Variants in PIK3R1 observed in about 807,000 individuals in gnomAD.
PIK3R1 encodes phosphoinositide-3-kinase regulatory subunit 1.
In PIK3R1, 29 loss-of-function variants were observed where a neutral mutation model predicts 98.0. The ratio of observed to expected loss-of-function variants is 0.30; its 90% CI spans 0.22 to 0.40. The LOEUF (loss-of-function observed/expected upper bound fraction) is 0.40. Ranked by LOEUF, PIK3R1 falls within the 10% of genes least tolerant of loss-of-function variation. The pLI is 1.00. For synonymous variants in PIK3R1, 282 were observed against 311.8 expected, an observed-to-expected ratio of 0.90 and a Z score of 1.01; for missense variants, 596 against 872.7, an observed-to-expected ratio of 0.68 and a Z score of 3.99.
chr5:68,292,612 T>C (rs2112247251), intron 8 of PIK3R1: 2 of 1,451,844 alleles, frequency 1.4e-6, no homozygotes, highest in Non-Finnish European at 1.8e-6. Flanking sequence ...GAAGTGGCAC[T>C]GCCTAAGAAC....
intron 1 of PIK3R1, among the ~76,000 whole-genome samples, chr5:68,219,702 A>G (rs1391881624): frequency 4.6e-5 from 7 of 152,196 alleles, no homozygotes; most frequent in African/African-American, 1.7e-4. Flanking sequence ...CGGGAGTTTT[A>G]TTTTAGCTAG....
chr5:68,291,894 T>G (rs1026304700), intron 7 of PIK3R1: 2 of 165,260 alleles, frequency 1.2e-5, no homozygotes, highest in African/African-American at 4.8e-5. Context: ...TACTCATATG[T>G]TCATAGTTTC....
rs149613079 is a variant in PIK3R1 at position 68,290,733 on chromosome 5, A to T, written c.917-1526A>T. 9.5e-5 allele frequency: 153 copies of T among 1,611,164 alleles called. 2 individuals carry two copies. The highest frequency in any genetic ancestry group is 1.0e-4 in the Admixed American group (6 of 59,478). ...GCCAAGGAAACTCTTGCACAAATGT[A>T]CAATACTGTTTGGAATATGGAAGAC... is the stretch of plus-strand genomic sequence containing the variant. On this transcript the variant is annotated intron_variant, in intron 7 of 15. Coordinates refer to ENST00000521381, the MANE Select transcript of PIK3R1 (RefSeq NM_181523.3).
At chr5:68,277,365 T>A (rs1746620897) in intron 4 of PIK3R1, among the ~76,000 whole-genome samples, 1 of 152,236 alleles carries the variant, frequency 6.6e-6, no homozygotes, top group African/African-American at 2.4e-5. Context: ...CCACACTTGT[T>A]AAACATGTGA....
chr5:68,297,493 C>A lies in PIK3R1; in HGVS notation c.2067C>A (p.Ser689Arg), dbSNP rs1235449796. The A allele has an allele frequency of 6.2e-7, 1 of 1,614,122 alleles. No individual in the cohort carries two copies. Among genetic ancestry groups the A allele is most frequent in the Non-Finnish European group, 8.5e-7 (1 of 1,179,926 alleles). The change falls in exon 16 of 16, where the codon AGC becomes AGA. Residue 689 changes from serine to arginine, a missense_variant. By Grantham distance (110) the Ser-to-Arg change is moderately radical. Coordinates refer to ENST00000521381, the MANE Select transcript of PIK3R1 (RefSeq NM_181523.3). ...YGFAEPYNLY[S>R]SLKELVLHYQ... The stretch of plus-strand genomic sequence containing the variant: ...TTGCCGAGCCCTATAACTTGTACAG[C>A]TCTCTGAAAGAACTGGTGCTACATT...
chr5:68,239,538 C>CT (rs1744794527), intron 2 of PIK3R1, among the ~76,000 whole-genome samples: 1 of 152,174 alleles, frequency 6.6e-6, no homozygotes, highest in Non-Finnish European at 1.5e-5. Context: ...TGACACTGGC[C>CT]TTATTATACC....
At position 68,295,485 on chromosome 5, in the gene PIK3R1, A is replaced by T. The variant is rs1747662497; in HGVS notation, c.1811A>T (p.Glu604Val). Residue 604 changes from glutamate (E) to valine (V), a missense_variant, in exon 14 of 16, where the codon GAA (glutamate) becomes GTA (valine). By Grantham distance (121) the Glu-to-Val change is moderately radical (BLOSUM62 -2). This residue lies in a region of PIK3R1 where 207 missense variants were observed against 361.4 expected (regional missense o/e 0.57). Transcript: ENST00000521381. ...LNEWLGNENT[E>V]DQYSLVEDDE... Reference sequence around the variant, plus strand: ...GAGTGGTTGGGCAATGAAAACACTGAAGAGTAAGTAGTTACTAAAGATGGT... The same window carrying T: ...GAGTGGTTGGGCAATGAAAACACTGTAGAGTAAGTAGTTACTAAAGATGGT... 6.2e-7 allele frequency: 1 copy of T among 1,613,148 alleles called. No homozygotes were observed. The highest frequency in any genetic ancestry group is 8.5e-7 in the Non-Finnish European group (1 of 1,179,180).
intron 7 of PIK3R1, chr5:68,290,695 A>G (rs1747339918): frequency 2.5e-6 from 4 of 1,592,890 alleles, no homozygotes; most frequent in Middle Eastern, 1.7e-4. Context: ...CTCTTTTCTT[A>G]TAACTGAGCT....
chr5:68,240,056 G>A, intron 2 of PIK3R1: 1 of 327,350 alleles, frequency 3.1e-6, no homozygotes, highest in Non-Finnish European at 6.1e-6. Flanking sequence ...TAATGTTGTA[G>A]ATAACATTAT....
chr5:68,251,864 G>A (rs1460636105), intron 2 of PIK3R1, among the ~76,000 whole-genome samples: 1 of 152,162 alleles, frequency 6.6e-6, no homozygotes, highest in Non-Finnish European at 1.5e-5. Context: ...CAGGAGTTGT[G>A]TAGGGCCCTC....
intron 4 of PIK3R1, among the ~76,000 whole-genome samples, chr5:68,275,503 G>A (rs1042767628): frequency 6.7e-6 from 1 of 148,406 alleles, no homozygotes; most frequent in Non-Finnish European, 1.5e-5. Context: ...AACACAAAAT[G>A]ATGCAGTTTA....
chr5:68,243,627 C>G (rs1172290265), intron 2 of PIK3R1, among the ~76,000 whole-genome samples: 7 of 152,208 alleles, frequency 4.6e-5, no homozygotes, highest in Non-Finnish European at 8.8e-5. Flanking sequence ...TCCGTTGCCA[C>G]CTTTCTTTTC....
intron 2 of PIK3R1, among the ~76,000 whole-genome samples, chr5:68,236,259 TG>T (rs1744664668): frequency 6.6e-6 from 1 of 151,320 alleles, no homozygotes; most frequent in African/African-American, 2.5e-5. Context: ...TTTGTTTGTT[TG>T]TTTTTTTGAG....
chr5:68,282,610 C>T (rs1450703761), intron 7 of PIK3R1, among the ~76,000 whole-genome samples: 2 of 152,148 alleles, frequency 1.3e-5, no homozygotes, highest in African/African-American at 4.8e-5. Flanking sequence ...TAGTTAAACG[C>T]CTTTGTTAGT....
chr5:68,270,585 C>A (rs1405603277), intron 2 of PIK3R1, among the ~76,000 whole-genome samples: 4 of 151,888 alleles, frequency 2.6e-5, no homozygotes. Flanking sequence ...GAGGAATTGG[C>A]ATGTTGGTTG....
Position 68,299,328 on chromosome 5 carries a change from C to T in PIK3R1, c.*1727C>T, listed in dbSNP as rs1747909566. The T allele has an allele frequency of 4.4e-6, 1 of 226,464 alleles. No homozygotes were observed. The highest frequency in any genetic ancestry group is 2.4e-5 in the African/African-American group (1 of 41,702). 14.0% of individuals were successfully genotyped at this position (226,464 alleles called of 1,614,324 possible). A position where few individuals can be genotyped will look rare whatever the true frequency, so the allele number is the denominator to read the frequency against. ...CATAAAGCAAATAGACACAGTCATA[C>T]TGTCACTGCTCTGGACTGTGTGGAG... is the stretch of plus-strand genomic sequence containing the variant. On this transcript the variant is annotated 3_prime_UTR_variant, in exon 16 of 16. Coordinates refer to ENST00000521381, the MANE Select transcript of PIK3R1 (RefSeq NM_181523.3).
At chr5:68,265,185 T>G (rs1746073751) in intron 2 of PIK3R1, among the ~76,000 whole-genome samples, 2 of 151,918 alleles carry the variant, frequency 1.3e-5, no homozygotes, top group South Asian at 4.2e-4. Context: ...ACCTCCTGAA[T>G]CAGGCTGTTA....
chr5:68,294,452 C>A, intron 11 of PIK3R1, 84 bp from the exon 12 acceptor site: 2 of 974,650 alleles, frequency 2.1e-6, no homozygotes, highest in Non-Finnish European at 3.0e-6. Flanking sequence ...GCTAATAATA[C>A]AGATCAAATG....
rs1047890855 is a variant in PIK3R1, at chr5:68,223,055, T to C, written c.-386-3235T>C. 3.8e-4 allele frequency among the ~76,000 whole-genome samples: 58 copies of C among 151,478 alleles called. 1 individual carries two copies. Among genetic ancestry groups the C allele is most frequent in the African/African-American group, 1.4e-3 (56 of 40,852 alleles). ...ATATGACTATATATATATGACTGTA[T>C]ATAACTATATATAGTCAGCATCATC... On this transcript the variant is annotated intron_variant, in intron 1 of 15. Coordinates refer to ENST00000521381, the MANE Select transcript of PIK3R1 (RefSeq NM_181523.3).
Sources: gnomAD v4.1 joint callset for allele counts (sites outside exome capture counted in the v4.1 genomes callset) on GRCh38, gnomAD v4.1.1 for gene constraint, gnomAD v4.1.1 regional missense constraint, MANE v1.5 for transcripts, NCBI Gene and HGNC (gene_info 2026-07-23, HGNC 2026-07-21) for gene names.